Variants in RORA observed in about 807,000 individuals in gnomAD.
RORA encodes the protein RAR related orphan receptor A, also known as nuclear receptor ROR-alpha.
In RORA, 7 loss-of-function variants were observed where a neutral mutation model predicts 69.5. The observed-to-expected ratio is 0.10, with a 90% confidence interval of 0.06 to 0.19. RORA has a LOEUF of 0.19. Among genes scored for constraint, RORA ranks in the 10% least tolerant of loss-of-function variants. The pLI is 1.00. For missense variants in RORA, 457 were observed against 663.0 expected, an observed-to-expected ratio of 0.69 and a Z score of 3.41; for synonymous variants, 261 against 240.8, an observed-to-expected ratio of 1.08 and a Z score of -0.78.
At chr15:61,063,579 T>G (rs1332490561) in intron 1 of RORA, among the ~76,000 whole-genome samples, 1 of 152,166 alleles carries the variant, frequency 6.6e-6, no homozygotes, top group African/African-American at 2.4e-5. Context: ...TTAGCCTGGG[T>G]GAAATCTTTG....
chr15:61,176,563 C>T (rs1875928009), intron 1 of RORA: 1 of 152,142 alleles, frequency 6.6e-6, no homozygotes, highest in African/African-American at 2.4e-5. Flanking sequence ...CCTCTTACCT[C>T]AGTCTCCCAA....
chr15:60,597,555 T>TATATATATATATATATATATACAC (rs2068702367), intron 2 of RORA, among the ~76,000 whole-genome samples: 3 of 25,604 alleles, frequency 1.2e-4, no homozygotes, highest in African/African-American at 1.7e-4. Context: ...ACACAACATA[T>TATATATATATATATATATATACAC]ATATATATAT....
rs545282639 is a variant in RORA, at chr15:60,537,578, A to T, written c.197-5727T>A. Among the ~76,000 whole-genome samples the T allele has an allele frequency of 6.6e-6, 1 of 152,260 alleles. No individual in the cohort carries two copies. The highest frequency in any genetic ancestry group is 6.5e-5 in the Admixed American group (1 of 15,304). On this transcript the variant is annotated intron_variant, in intron 2 of 10. Coordinates refer to ENST00000335670, the MANE Select transcript of RORA (RefSeq NM_134261.3). This position sits in a 1 kb window ranked among gnomAD's most constrained non-coding sequence, Gnocchi z 4.9. Reference sequence around the variant, plus strand: ...ACATCTCCATGTGGAAGGGGAACAGACCATCGACCTGGACCTGTGGCTTGG... The same window carrying T: ...ACATCTCCATGTGGAAGGGGAACAGTCCATCGACCTGGACCTGTGGCTTGG...
At chr15:60,852,369 C>T (rs1056494468) in intron 1 of RORA, among the ~76,000 whole-genome samples, 11 of 152,160 alleles carry the variant, frequency 7.2e-5, no homozygotes, top group African/African-American at 1.2e-4. Flanking sequence ...CACAGCTGTG[C>T]GTGATGCTTG....
intron 1 of RORA, among the ~76,000 whole-genome samples, chr15:60,880,867 A>G (rs550210006): frequency 1.3e-5 from 2 of 152,330 alleles, no homozygotes; most frequent in South Asian, 4.1e-4. Flanking sequence ...CCGCCGATGC[A>G]TTTAACTTTT....
At chr15:61,126,448 T>C (rs1371576443) in intron 1 of RORA, among the ~76,000 whole-genome samples, 1 of 152,212 alleles carries the variant, frequency 6.6e-6, no homozygotes, top group African/African-American at 2.4e-5. Context: ...TTGTATGACA[T>C]CCAGAACTTA....
At chr15:60,627,084 C>T (rs1226333785) in intron 2 of RORA, among the ~76,000 whole-genome samples, 1 of 152,176 alleles carries the variant, frequency 6.6e-6, no homozygotes, top group African/African-American at 2.4e-5. Flanking sequence ...TCCTCTGTGG[C>T]TGAAGGGTAA....
chr15:60,976,302 G>A (rs1037295189), intron 1 of RORA, among the ~76,000 whole-genome samples: 3 of 152,198 alleles, frequency 2.0e-5, no homozygotes, highest in African/African-American at 7.2e-5. Flanking sequence ...AGTTCTGCAA[G>A]TCTCTTTCCT....
intron 2 of RORA, among the ~76,000 whole-genome samples, chr15:60,533,596 G>T (rs916109617): frequency 6.6e-6 from 1 of 152,170 alleles, no homozygotes; most frequent in Non-Finnish European, 1.5e-5. Flanking sequence ...TAGAGAAAGC[G>T]AGTTACGCCT....
chr15:60,941,171 T>C (rs1892685012), intron 1 of RORA, among the ~76,000 whole-genome samples: 2 of 152,354 alleles, frequency 1.3e-5, no homozygotes, highest in East Asian at 1.9e-4. Context: ...CTATTACATA[T>C]ACCAACCCTG....
At chr15:60,974,438 C>T (rs8034950) in intron 1 of RORA, among the ~76,000 whole-genome samples, 93,917 of 151,978 alleles carry the variant, frequency 0.62, 29,525 homozygotes, top group South Asian at 0.7. Context: ...TTCTCCCCTT[C>T]ACACAGCCAG....
chr15:60,669,399 C>A (rs1450597524), intron 2 of RORA, among the ~76,000 whole-genome samples: 1 of 151,750 alleles, frequency 6.6e-6, no homozygotes, highest in Non-Finnish European at 1.5e-5. Context: ...GTCACAGGAG[C>A]ACACACAGAA....
chr15:60,801,670 G>A (rs140480560), intron 1 of RORA, among the ~76,000 whole-genome samples: 2 of 152,188 alleles, frequency 1.3e-5, no homozygotes, highest in Non-Finnish European at 2.9e-5. Context: ...CCGCCTGAAA[G>A]CCCGGGAGAG....
intron 1 of RORA, among the ~76,000 whole-genome samples, chr15:60,921,534 C>T (rs1892048637): frequency 6.6e-6 from 1 of 152,180 alleles, no homozygotes; most frequent in South Asian, 2.1e-4. Flanking sequence ...AGGGTAGTGA[C>T]TGGCAAGGTC....
chr15:60,676,395 G>T (rs1490495403), intron 2 of RORA, among the ~76,000 whole-genome samples: 1 of 152,154 alleles, frequency 6.6e-6, no homozygotes, highest in African/African-American at 2.4e-5. Flanking sequence ...GTAAAGTTTT[G>T]TGTCAACTGT....
chr15:60,741,843 T>C (rs2140849726), intron 1 of RORA, among the ~76,000 whole-genome samples: 1 of 152,320 alleles, frequency 6.6e-6, no homozygotes, highest in Middle Eastern at 3.4e-3. Flanking sequence ...CCACACTTCC[T>C]GCATGGCCGC....
intron 1 of RORA, among the ~76,000 whole-genome samples, chr15:61,021,756 TGA>T: frequency 6.6e-6 from 1 of 152,238 alleles, no homozygotes; most frequent in East Asian, 1.9e-4. Context: ...AGGGCATGTC[TGA>T]GATGCACGGA....
intron 2 of RORA, among the ~76,000 whole-genome samples, chr15:60,604,394 C>T (rs895383576): frequency 6.6e-6 from 1 of 152,094 alleles, no homozygotes; most frequent in Admixed American, 6.5e-5. Context: ...TCCAGTAATG[C>T]GAATGGACTG....
intron 1 of RORA, among the ~76,000 whole-genome samples, chr15:60,693,645 A>G (rs1054598018): frequency 6.6e-6 from 1 of 152,186 alleles, no homozygotes; most frequent in African/African-American, 2.4e-5. Flanking sequence ...CCTATTCACC[A>G]ACAGTAGACA....
Sources: gnomAD v4.1 joint callset for allele counts (sites outside exome capture counted in the v4.1 genomes callset) on GRCh38, gnomAD v4.1.1 for gene constraint, Gnocchi (gnomAD v3.1) non-coding constraint, MANE v1.5 for transcripts, NCBI Gene and HGNC (gene_info 2026-07-23, HGNC 2026-07-21) for gene names.